Variants in PIK3R3 observed in about 807,000 individuals in gnomAD.
The protein encoded by PIK3R3 is phosphatidylinositol 3-kinase regulatory subunit gamma.
Under a neutral mutation model 62.9 loss-of-function variants are expected in PIK3R3, and 64 were observed. The observed-to-expected ratio is 1.02, with a 90% CI of 0.83 to 1.25. PIK3R3 has a LOEUF of 1.25. PIK3R3 is among the 50% of genes most tolerant of loss of function. PIK3R3 has a pLI of 0.00. For missense variants in PIK3R3, 614 were observed against 561.6 expected (o/e 1.09, Z -0.94); for synonymous variants, 165 against 189.0 (o/e 0.87, Z 1.04).
chr1:46,074,278 G>C (rs1649834746), intron 3 of PIK3R3, among the ~76,000 whole-genome samples: 1 of 94,046 alleles, frequency 1.1e-5, no homozygotes, highest in African/African-American at 4.3e-5. Context: ...GACAGAGCTA[G>C]ACTCCGTCAA....
At position 46,045,865 on chromosome 1, in the gene PIK3R3, A is replaced by T. The variant is rs567038773; in HGVS notation, c.1187+53T>A. ...CTGAATTTTATGAGGGGTTGATTTT[A>T]TAATAATTGATGCAAAAGATTTCAA... On this transcript the variant is annotated intron_variant, in intron 9 of 9. Coordinates refer to ENST00000262741, the MANE Select transcript of PIK3R3 (RefSeq NM_003629.4). 310 of 1,478,012 alleles carry T rather than the reference A, an allele frequency of 2.1e-4. 1 individual carries two copies. In the African/African-American group the frequency reaches 3.5e-3, roughly 17 times the overall value. The allele number at this position is 1,478,012 out of a possible 1,614,324, so 91.6% of individuals were successfully genotyped here.
chr1:46,084,017 C>T (rs922337955), intron 1 of PIK3R3, among the ~76,000 whole-genome samples: 6 of 152,052 alleles, frequency 3.9e-5, no homozygotes, highest in African/African-American at 1.4e-4. Context: ...GAAAACAACC[C>T]AAATATCTAT....
chr1:46,048,648 C>A (rs138456878), intron 7 of PIK3R3, among the ~76,000 whole-genome samples: 1 of 152,104 alleles, frequency 6.6e-6, no homozygotes, highest in African/African-American at 2.4e-5. Context: ...TTCTTTTAAC[C>A]ACCAACCTCT....
At chr1:46,070,629 G>T (rs1649395803) in intron 3 of PIK3R3, among the ~76,000 whole-genome samples, 1 of 152,176 alleles carries the variant, frequency 6.6e-6, no homozygotes, top group Non-Finnish European at 1.5e-5. Context: ...CAGTCCATGT[G>T]GTCACGTCCC....
intron 3 of PIK3R3, among the ~76,000 whole-genome samples, chr1:46,069,949 A>G (rs1317257861): frequency 6.6e-6 from 1 of 152,224 alleles, no homozygotes; most frequent in African/African-American, 2.4e-5. Flanking sequence ...AGATAGCACT[A>G]AATGAACTGA....
rs750953047 is a variant in PIK3R3, at chr1:46,132,110, A to G, written c.-158T>C. The G allele has an allele frequency of 8.1e-5, 115 of 1,418,212 alleles. 1 individual carries two copies. The highest frequency in any genetic ancestry group is 4.4e-5 in the Non-Finnish European group (48 of 1,090,704). 87.9% of individuals were successfully genotyped at this position (1,418,212 alleles called of 1,614,324 possible). On this transcript the variant is annotated 5_prime_UTR_variant, in exon 1 of 10. Transcript: ENST00000262741. ...ACCAGTCCGGCCAAACTACCCGAAC[A>G]GGGTCCTCCCCCTCTCTCCTACAGA... is the stretch of plus-strand genomic sequence containing the variant.
Position 46,062,032 on chromosome 1 carries a change from C to T in PIK3R3, c.661G>A (p.Glu221Lys). 1 of 1,610,480 alleles carries T rather than the reference C, an allele frequency of 6.2e-7. No individual in the cohort carries two copies. The highest frequency in any genetic ancestry group is 8.5e-7 in the Non-Finnish European group (1 of 1,177,048). The change falls in exon 6 of 10, where the codon GAA (glutamate) becomes AAA (lysine). Residue 221 changes from glutamate (E) to lysine (K), a missense_variant. Coordinates refer to ENST00000262741, the MANE Select transcript of PIK3R3 (RefSeq NM_003629.4). ...TGCTCTTCAAATATTTTAATTGTTT[C>T]ATTAAAAGCTTCTATTGCAGTCCTC... Reference protein sequence around the residue: ...MKRTAIEAFNETIKIFEEQCH... With the variant: ...MKRTAIEAFNKTIKIFEEQCH...
chr1:46,145,135 A>G, the PIK3R3 span, among the ~76,000 whole-genome samples: 1 of 151,798 alleles, frequency 6.6e-6, no homozygotes, highest in African/African-American at 2.4e-5. Flanking sequence ...AAAAAAAAAA[A>G]AAAAAGAAGA....
At chr1:46,137,751 C>T (rs1445498144), upstream of PIK3R3, among the ~76,000 whole-genome samples, 3 of 152,172 alleles carry the variant, frequency 2.0e-5, no homozygotes, top group Admixed American at 1.3e-4. Context: ...ACCATCAATG[C>T]CCAGCCCAAG....
At chr1:46,138,927 A>G in the PIK3R3 span, 1 of 152,220 alleles carries the variant, frequency 6.6e-6, no homozygotes, top group Non-Finnish European at 1.5e-5. Context: ...CATTCGGTGA[A>G]GATCACTACT....
At chr1:46,121,900 C>T (rs1418506943) in intron 1 of PIK3R3, among the ~76,000 whole-genome samples, 6 of 151,916 alleles carry the variant, frequency 3.9e-5, no homozygotes, top group Admixed American at 3.9e-4. Flanking sequence ...TATGATTTGG[C>T]AGGCTGGACG....
chr1:46,056,017 G>C (rs1647867781), intron 6 of PIK3R3, 46 bp from the exon 7 acceptor site: 7 of 1,331,674 alleles, frequency 5.3e-6, no homozygotes, highest in South Asian at 2.7e-5. Flanking sequence ...AAATCAAGCA[G>C]ACAGATCCTA....
intron 1 of PIK3R3, among the ~76,000 whole-genome samples, chr1:46,118,777 A>G (rs1654411884): frequency 6.6e-6 from 1 of 151,928 alleles, no homozygotes. Context: ...GCTGGTCTCA[A>G]ACTCCTGACC....
intron 6 of PIK3R3, among the ~76,000 whole-genome samples, chr1:46,057,777 A>G (rs1304076833): frequency 2.0e-5 from 3 of 152,244 alleles, no homozygotes; most frequent in African/African-American, 7.2e-5. Context: ...GGTGCTCTTA[A>G]AAGCATTCAG....
chr1:46,103,645 A>C lies in PIK3R3; in HGVS notation c.107-22895T>G, dbSNP rs571330155. ...AGTCTTGCACTGTTGTCCAGGCTTA[A>C]GTGCAATAGCACGATCTCGGCTCAC... On this transcript the variant is annotated intron_variant, in intron 1 of 9. Transcript: ENST00000262741. Among the ~76,000 whole-genome samples, 3 of 151,902 alleles carry C rather than the reference A, an allele frequency of 2.0e-5. No homozygotes were observed. The South Asian group carries it at 6.3e-4, about 32-fold the overall frequency.
chr1:46,040,304 A>G lies in PIK3R3; in HGVS notation c.*3369T>C. On this transcript the variant is annotated 3_prime_UTR_variant, in exon 10 of 10. Coordinates refer to ENST00000262741, the MANE Select transcript of PIK3R3 (RefSeq NM_003629.4). ...ATGTCTGAACACATCTGGTGACAAG[A>G]ACAATTTGTAAAGTGGTCTAGCAAC... The G allele has an allele frequency of 4.3e-6, 1 of 232,356 alleles. No individual in the cohort carries two copies. Among genetic ancestry groups the G allele is most frequent in the Non-Finnish European group, 8.5e-6 (1 of 117,212 alleles). 14.4% of individuals were successfully genotyped at this position (232,356 alleles called of 1,614,324 possible).
the PIK3R3 span, among the ~76,000 whole-genome samples, chr1:46,152,161 T>G: frequency 6.6e-6 from 1 of 152,204 alleles, no homozygotes; most frequent in Non-Finnish European, 1.5e-5. Flanking sequence ...AGAACATCCC[T>G]GTGGTTATAA....
intron 1 of PIK3R3, among the ~76,000 whole-genome samples, chr1:46,127,286 G>C (rs1308245923): frequency 6.7e-6 from 1 of 150,072 alleles, no homozygotes; most frequent in Non-Finnish European, 1.5e-5. Context: ...AGGCTGCAGT[G>C]AGCCATGATC....
the PIK3R3 span, among the ~76,000 whole-genome samples, chr1:46,140,396 T>C: frequency 6.6e-6 from 1 of 152,178 alleles, no homozygotes; most frequent in African/African-American, 2.4e-5. Context: ...TTACCACTAA[T>C]ACTATTTTAA....
Sources: gnomAD v4.1 joint callset for allele counts (sites outside exome capture counted in the v4.1 genomes callset) on GRCh38, gnomAD v4.1.1 for gene constraint, MANE v1.5 for transcripts, NCBI Gene and HGNC (gene_info 2026-07-23, HGNC 2026-07-21) for gene names.